PLEKHA5: variants seen among roughly 807,000 people sequenced by gnomAD.
PLEKHA5 encodes the protein pleckstrin homology domain-containing family A member 5.
PLEKHA5 carries 55 observed loss-of-function variants against 181.9 expected under a neutral mutation model. The observed-to-expected ratio is 0.30, with a 90% CI of 0.24 to 0.38. The LOEUF (loss-of-function observed/expected upper bound fraction) is 0.38. Among genes scored for constraint, PLEKHA5 ranks in the 10% least tolerant of loss-of-function variants. The probability of loss-of-function intolerance (pLI) is 1.00; values close to 1 mark genes in which losing one functional copy is unlikely to be tolerated. For missense variants in PLEKHA5, 1,432 were observed against 1,549.5 expected (o/e 0.92, Z 1.27); for synonymous variants, 535 against 529.4 (o/e 1.01, Z -0.15).
intron 15 of PLEKHA5, among the ~76,000 whole-genome samples, chr12:19,308,107 A>AG (rs1491567499): frequency 6.6e-6 from 1 of 152,134 alleles, no homozygotes; most frequent in Admixed American, 6.5e-5. Context: ...GAGGAAAAAA[A>AG]GAGAAGAAAG....
chr12:19,289,948 A>T (rs2152838274), intron 13 of PLEKHA5, among the ~76,000 whole-genome samples: 1 of 151,410 alleles, frequency 6.6e-6, no homozygotes, highest in Non-Finnish European at 1.5e-5. Flanking sequence ...TTATTTTTTT[A>T]TTTATTTATT....
intron 3 of PLEKHA5, among the ~76,000 whole-genome samples, chr12:19,217,795 C>T (rs1483188410): frequency 3.3e-5 from 5 of 152,144 alleles, no homozygotes; most frequent in African/African-American, 1.2e-4. Flanking sequence ...GGTGTGGACT[C>T]TCTGGAGGAG....
intron 3 of PLEKHA5, among the ~76,000 whole-genome samples, chr12:19,159,622 C>T (rs991381520): frequency 1.3e-5 from 2 of 152,094 alleles, no homozygotes; most frequent in African/African-American, 4.8e-5. Context: ...ATATTACTTT[C>T]ATGTATGAAT....
chr12:19,355,835 T>C (rs530800442), intron 26 of PLEKHA5, among the ~76,000 whole-genome samples: 12 of 152,024 alleles, frequency 7.9e-5, no homozygotes, highest in African/African-American at 2.4e-4. Context: ...ATAACAAGTC[T>C]ACAGAAAAAG....
chr12:19,209,904 T>A (rs759852502), intron 3 of PLEKHA5, among the ~76,000 whole-genome samples: 30 of 152,194 alleles, frequency 2.0e-4, no homozygotes, highest in Non-Finnish European at 4.0e-4. Flanking sequence ...AGAGTTCCTC[T>A]CCACCACAAC....
intron 3 of PLEKHA5, chr12:19,153,096 T>A (rs1161815973): frequency 6.6e-6 from 1 of 151,970 alleles, no homozygotes; most frequent in Non-Finnish European, 1.5e-5. Context: ...GTATTGCCAG[T>A]ACAGTGATAG....
At chr12:19,356,091 GGA>G (rs1405796730) in intron 26 of PLEKHA5, among the ~76,000 whole-genome samples, 1 of 151,930 alleles carries the variant, frequency 6.6e-6, no homozygotes, top group African/African-American at 2.4e-5. Flanking sequence ...CTTGAACCCA[GGA>G]GGCGGAGGTC....
At chr12:19,143,403 A>G (rs1302585175) in intron 3 of PLEKHA5, among the ~76,000 whole-genome samples, 3 of 152,196 alleles carry the variant, frequency 2.0e-5, no homozygotes, top group African/African-American at 7.2e-5. Context: ...TATAATGTTA[A>G]GTGTTTTTTT....
intron 3 of PLEKHA5, among the ~76,000 whole-genome samples, chr12:19,175,372 T>C (rs890670714): frequency 9.2e-5 from 14 of 152,096 alleles, no homozygotes; most frequent in African/African-American, 3.1e-4. Flanking sequence ...ATAGCAAAAA[T>C]AGAAATTAAC....
chr12:19,265,903 A>G lies in PLEKHA5; in HGVS notation c.711+53A>G. ...TGTGTTCAAAACTTGCGTTGGTTAA[A>G]ATGGATATTGAGCCATAGATTATTA... On this transcript the variant is annotated intron_variant, in intron 8 of 31. Transcript: ENST00000429027. 5.5e-6 allele frequency: 5 copies of G among 910,582 alleles called. No individual in the cohort carries two copies. In the South Asian group the frequency reaches 7.2e-5, roughly 13 times the overall value. 56.4% of individuals were successfully genotyped at this position (910,582 alleles called of 1,614,324 possible). A position where few individuals can be genotyped will look rare whatever the true frequency, so the allele number is the denominator to read the frequency against.
At position 19,181,002 on chromosome 12, in the gene PLEKHA5, T is replaced by C. The variant is rs529059835; in HGVS notation, c.227+48552T>C. 5.3e-5 allele frequency among the ~76,000 whole-genome samples: 8 copies of C among 151,308 alleles called. No individual in the cohort carries two copies. In the South Asian group the frequency reaches 1.7e-3, roughly 32 times the overall value. On this transcript the variant is annotated intron_variant, in intron 3 of 31. Coordinates refer to ENST00000429027, the MANE Select transcript of PLEKHA5 (RefSeq NM_001256470.2). ...ATTCAGAACCACCATTCTAAAGTTT[T>C]ATATGTTTCACATGGATAGGCAGAT...
chr12:19,358,234 C>T lies in PLEKHA5; in HGVS notation c.3145C>T (p.Pro1049Ser), dbSNP rs768105939. Residue 1049 changes from proline to serine, a missense_variant, in exon 27 of 32, where the codon CCA (proline) becomes TCA (serine). Transcript: ENST00000429027. ...GTTCATTTTTACATTGAAGGAAAGA[C>T]CAAGAAGTGCAGTGGAACAGCTCTG... ...KKMMDLRTER[P>S]RSAVEQLCLA... 6.2e-7 allele frequency: 1 copy of T among 1,610,996 alleles called. No homozygotes were observed. Among genetic ancestry groups the T allele is most frequent in the Non-Finnish European group, 8.5e-7 (1 of 1,177,562 alleles).
intron 21 of PLEKHA5, among the ~76,000 whole-genome samples, chr12:19,340,417 C>G (rs1166254817): frequency 7.4e-6 from 1 of 135,426 alleles, no homozygotes; most frequent in Non-Finnish European, 1.7e-5. Flanking sequence ...AGGTGAGGGG[C>G]GCCTCTGCCC....
chr12:19,153,086 G>A (rs533935063), intron 3 of PLEKHA5: 4 of 149,714 alleles, frequency 2.7e-5, no homozygotes, highest in African/African-American at 9.8e-5. Flanking sequence ...TTGCTGGCTA[G>A]TATTGCCAGT....
In PLEKHA5 at chr12:19,314,999, A is replaced by G. The variant is rs1255967733; in HGVS notation, c.2118+105A>G. 4 of 686,442 alleles carry G rather than the reference A, an allele frequency of 5.8e-6. No individual in the cohort carries two copies. The Admixed American group carries it at 7.0e-5, about 12-fold the overall frequency. The allele number at this position is 686,442 out of a possible 1,614,324, so 42.5% of individuals were successfully genotyped here. A position where few individuals can be genotyped will look rare whatever the true frequency, so the allele number is the denominator to read the frequency against. On this transcript the variant is annotated intron_variant, in intron 16 of 31. Transcript: ENST00000429027. ...TACTCATGACATCAGTGTTTTTCTTATTTTATTTTTTGTTTATGTTTATTT... is the reference window on the plus strand; with the variant it reads ...TACTCATGACATCAGTGTTTTTCTTGTTTTATTTTTTGTTTATGTTTATTT...
chr12:19,352,577 CTTTTTTT>C (rs34607449), intron 25 of PLEKHA5, among the ~76,000 whole-genome samples: 1 of 110,152 alleles, frequency 9.1e-6, no homozygotes, highest in Non-Finnish European at 1.8e-5. Flanking sequence ...ACAAAGAAGG[CTTTTTTT>C]TTTTTTTTTT....
At chr12:19,247,846 A>G (rs1012775390) in intron 3 of PLEKHA5, among the ~76,000 whole-genome samples, 3 of 151,518 alleles carry the variant, frequency 2.0e-5, no homozygotes, top group Admixed American at 6.6e-5. Context: ...TGTAAATATG[A>G]CCTGTTTTCT....
chr12:19,234,795 G>A (rs931527979), intron 3 of PLEKHA5, among the ~76,000 whole-genome samples: 4 of 152,164 alleles, frequency 2.6e-5, no homozygotes, highest in Non-Finnish European at 5.9e-5. Context: ...TGTCTGATGA[G>A]AACAGTGAAG....
At chr12:19,198,393 C>G (rs2053439655) in intron 3 of PLEKHA5, among the ~76,000 whole-genome samples, 1 of 152,146 alleles carries the variant, frequency 6.6e-6, no homozygotes, top group African/African-American at 2.4e-5. Context: ...ATTTCTTTTC[C>G]CCTTTTTGTG....
Sources: allele counts gnomAD v4.1 joint callset (sites outside exome capture counted in the v4.1 genomes callset), GRCh38; gene constraint gnomAD v4.1.1; transcripts MANE v1.5; gene names NCBI Gene and HGNC (gene_info 2026-07-23, HGNC 2026-07-21).